The following UNC13B variants were observed in gnomAD, a reference collection of about 807,000 sequenced individuals.
The protein encoded by UNC13B is protein unc-13 homolog B.
In UNC13B, 144 loss-of-function variants were observed where a neutral mutation model predicts 211.0. The ratio of observed to expected loss-of-function variants is 0.68; its 90% CI spans 0.60 to 0.78. The LOEUF (loss-of-function observed/expected upper bound fraction) is 0.78. Among genes scored for constraint, UNC13B ranks in the 30% least tolerant of loss-of-function variants. The pLI is 0.00. For missense variants in UNC13B, 1,777 were observed against 2,002.0 expected, an observed-to-expected ratio of 0.89 and a Z score of 2.14; for synonymous variants, 709 against 725.8, an observed-to-expected ratio of 0.98 and a Z score of 0.37.
intron 24 of UNC13B, among the ~76,000 whole-genome samples, chr9:35,388,661 T>C (rs1010958028): frequency 9.2e-5 from 14 of 152,146 alleles, no homozygotes; most frequent in Admixed American, 2.6e-4. Context: ...CTTAGCAGAG[T>C]GTGCGGCACA....
intron 37 of UNC13B, among the ~76,000 whole-genome samples, chr9:35,401,152 G>A (rs947936615): frequency 1.3e-4 from 20 of 152,304 alleles, no homozygotes; most frequent in African/African-American, 4.8e-4. Context: ...AGGCACATTT[G>A]TTACTGCTTG....
chr9:35,172,212 GTATGTGTTTTGGGGA>G (rs2131263853), intron 1 of UNC13B, among the ~76,000 whole-genome samples: 1 of 151,128 alleles, frequency 6.6e-6, no homozygotes, highest in African/African-American at 2.4e-5. Context: ...TGTCATAGAT[GTATGTGTTTTGGGGA>G]TATGTGTCAT....
At chr9:35,292,853 C>T (rs1829162562) in intron 7 of UNC13B, among the ~76,000 whole-genome samples, 4 of 152,238 alleles carry the variant, frequency 2.6e-5, no homozygotes, top group Admixed American at 1.3e-4. Flanking sequence ...CAAACCTGCA[C>T]TCAGTTTCTC....
chr9:35,271,017 T>C (rs1272842963), intron 7 of UNC13B, among the ~76,000 whole-genome samples: 1 of 151,604 alleles, frequency 6.6e-6, no homozygotes, highest in Non-Finnish European at 1.5e-5. Flanking sequence ...TGTACACCTG[T>C]AGTCTCAGCT....
At chr9:35,177,076 C>T (rs1821676109) in intron 1 of UNC13B, among the ~76,000 whole-genome samples, 1 of 152,070 alleles carries the variant, frequency 6.6e-6, no homozygotes, top group Non-Finnish European at 1.5e-5. Flanking sequence ...AGGCATGAGC[C>T]ACAGCGCAGC....
intron 7 of UNC13B, among the ~76,000 whole-genome samples, chr9:35,268,244 T>C (rs1827683164): frequency 6.6e-6 from 1 of 152,116 alleles, no homozygotes; most frequent in African/African-American, 2.4e-5. Flanking sequence ...CACCAACAAT[T>C]GCTCTCCCAA....
At chr9:35,177,189 C>T (rs1314143044) in intron 1 of UNC13B, among the ~76,000 whole-genome samples, 1 of 152,092 alleles carries the variant, frequency 6.6e-6, no homozygotes, top group Non-Finnish European at 1.5e-5. Flanking sequence ...CAGGATCCTG[C>T]TGAGACAGGA....
rs1835967034 is a variant in UNC13B, at chr9:35,397,567, C to T, written c.11677-68C>T. ...ATTGTTCTGTGATGAGAAGTGCCACCTCAGGCAAGATCCCCATAGAAGAGC... is the reference window on the plus strand; with the variant it reads ...ATTGTTCTGTGATGAGAAGTGCCACTTCAGGCAAGATCCCCATAGAAGAGC... On this transcript the variant is annotated intron_variant, in intron 29 of 39. Transcript: ENST00000635942. 27 of 1,532,654 alleles carry T rather than the reference C, an allele frequency of 1.8e-5. No individual in the cohort carries two copies. The South Asian group carries it at 3.2e-4, about 18-fold the overall frequency. The allele number at this position is 1,532,654 out of a possible 1,614,324, so 94.9% of individuals were successfully genotyped here.
intron 1 of UNC13B, among the ~76,000 whole-genome samples, chr9:35,204,053 G>C (rs1005794036): frequency 2.6e-5 from 4 of 152,270 alleles, no homozygotes; most frequent in Admixed American, 2.6e-4. Context: ...GCATCCTGGA[G>C]CACTGCTCTG....
intron 4 of UNC13B, 120 bp from the exon 5 acceptor site, chr9:35,237,583 A>AT: frequency 7.8e-7 from 1 of 1,288,482 alleles, no homozygotes; most frequent in South Asian, 1.4e-5. Flanking sequence ...TGTTTGCCTT[A>AT]TCAGGATGTG....
At chr9:35,164,377 A>G (rs1275127281) in intron 1 of UNC13B, among the ~76,000 whole-genome samples, 3 of 152,246 alleles carry the variant, frequency 2.0e-5, no homozygotes, top group African/African-American at 7.2e-5. Context: ...GGAATGTTGT[A>G]TTCTGAAAGC....
intron 11 of UNC13B, among the ~76,000 whole-genome samples, chr9:35,343,895 T>C (rs1306661918): frequency 1.3e-5 from 2 of 152,116 alleles, no homozygotes; most frequent in South Asian, 2.1e-4. Context: ...TGCAAGTATA[T>C]GATTAATAAT....
At chr9:35,197,394 G>A (rs1224086821) in intron 1 of UNC13B, among the ~76,000 whole-genome samples, 4 of 151,980 alleles carry the variant, frequency 2.6e-5, no homozygotes, top group African/African-American at 9.7e-5. Context: ...TTTTAGGAGA[G>A]ATGGGGTTTC....
chr9:35,351,949 T>A, intron 11 of UNC13B: 1 of 1,232,196 alleles, frequency 8.1e-7, no homozygotes, highest in Non-Finnish European at 1.0e-6. Context: ...CTTTGGGGGA[T>A]GTAGTAGAAT....
chr9:35,275,885 C>T (rs990378786), intron 7 of UNC13B, among the ~76,000 whole-genome samples: 2 of 152,058 alleles, frequency 1.3e-5, no homozygotes, highest in South Asian at 2.1e-4. Context: ...CCACTGTGCC[C>T]GGCCTGAATT....
chr9:35,252,858 A>G (rs1826591522), intron 6 of UNC13B, among the ~76,000 whole-genome samples: 1 of 151,958 alleles, frequency 6.6e-6, no homozygotes, highest in Non-Finnish European at 1.5e-5. Context: ...TGAACCCAGG[A>G]GGCGGAGCTT....
Position 35,259,805 on chromosome 9 carries a change from G to GT in UNC13B, c.526+755_526+756insT, listed in dbSNP as rs1554693377. On this transcript the variant is annotated intron_variant, in intron 7 of 39. Coordinates refer to ENST00000635942, the MANE Select transcript of UNC13B (RefSeq NM_001371189.2). ...TGTGTGTAGGGGGATGCGGGGGGGGGGGATTTTGATACTTTTGTGTTGCTC... is the reference window on the plus strand; with the variant it reads ...TGTGTGTAGGGGGATGCGGGGGGGGGTGGATTTTGATACTTTTGTGTTGCTC... Among the ~76,000 whole-genome samples the GT allele has an allele frequency of 5.0e-5, 6 of 120,104 alleles. 1 individual carries two copies. Among genetic ancestry groups the GT allele is most frequent in the Admixed American group, 3.0e-4 (3 of 10,116 alleles). The allele number at this position is 120,104 out of a possible 152,430, so 78.8% of individuals were successfully genotyped here.
chr9:35,385,604 G>A, intron 22 of UNC13B, 120 bp from the exon 23 acceptor site: 1 of 1,427,020 alleles, frequency 7.0e-7, no homozygotes, highest in East Asian at 2.5e-5. Context: ...TTTTTGGCCA[G>A]CTCAACTAGA....
At chr9:35,237,588 G>A (rs931744203) in intron 4 of UNC13B, 115 bp from the exon 5 acceptor site, 1 of 1,327,164 alleles carries the variant, frequency 7.5e-7, no homozygotes, top group Non-Finnish European at 1.0e-6. Flanking sequence ...GCCTTATCAG[G>A]ATGTGAATGG....
Sources: gnomAD v4.1 joint callset for allele counts (sites outside exome capture counted in the v4.1 genomes callset) on GRCh38, gnomAD v4.1.1 for gene constraint, MANE v1.5 for transcripts, NCBI Gene and HGNC (gene_info 2026-07-23, HGNC 2026-07-21) for gene names.